The following SLCO2A1 variants were observed in gnomAD, a reference collection of about 807,000 sequenced individuals.
The protein encoded by SLCO2A1 is solute carrier organic anion transporter family member 2A1.
A neutral mutation model predicts 71.7 loss-of-function variants in SLCO2A1; 60 were observed. The observed-to-expected ratio is 0.84, with a 90% CI of 0.68 to 1.04. SLCO2A1 has a LOEUF of 1.04. SLCO2A1 is among the 50% of genes least tolerant of loss of function. The pLI, the probability that SLCO2A1 is intolerant of heterozygous loss-of-function variation, is 0.00. For missense variants in SLCO2A1, 745 were observed against 813.4 expected (o/e 0.92, Z 1.02); for synonymous variants, 308 against 326.7 (o/e 0.94, Z 0.62).
At chr3:133,965,450 T>C (rs1209696740) in intron 3 of SLCO2A1, among the ~76,000 whole-genome samples, 2 of 152,168 alleles carry the variant, frequency 1.3e-5, no homozygotes, top group Non-Finnish European at 2.9e-5. Flanking sequence ...AGAAGGAAAC[T>C]GCTTACAAAT....
chr3:133,969,258 C>T (rs986255632), intron 3 of SLCO2A1, among the ~76,000 whole-genome samples: 3 of 152,118 alleles, frequency 2.0e-5, no homozygotes, highest in African/African-American at 4.8e-5. Flanking sequence ...GGTGAAACCC[C>T]GTAGCTACTA....
At chr3:133,944,055 C>G (rs994719830) in intron 10 of SLCO2A1, among the ~76,000 whole-genome samples, 5 of 152,232 alleles carry the variant, frequency 3.3e-5, no homozygotes, top group Non-Finnish European at 1.5e-5. Flanking sequence ...CCTACAGCAC[C>G]AAGCCCGGCC....
At chr3:133,995,851 T>C (rs112982831) in intron 1 of SLCO2A1, among the ~76,000 whole-genome samples, 6 of 152,360 alleles carry the variant, frequency 3.9e-5, no homozygotes, top group African/African-American at 1.4e-4. Context: ...AATTAACAAA[T>C]TGGGTTATAA....
chr3:134,028,078 A>C (rs1437909333), intron 1 of SLCO2A1, among the ~76,000 whole-genome samples: 2 of 152,158 alleles, frequency 1.3e-5, no homozygotes, highest in African/African-American at 4.8e-5. Context: ...ATTTATATAG[A>C]TCTCCAAATA....
intron 1 of SLCO2A1, among the ~76,000 whole-genome samples, chr3:133,991,432 A>G (rs969550145): frequency 2.0e-5 from 3 of 152,226 alleles, no homozygotes; most frequent in Admixed American, 6.5e-5. Flanking sequence ...AGGAAATCCA[A>G]TATTTTCCCA....
intron 5 of SLCO2A1, 21 bp downstream of exon 5, chr3:133,953,642 G>A (rs1296214314): frequency 7.5e-6 from 12 of 1,591,442 alleles, no homozygotes; most frequent in Non-Finnish European, 1.0e-5. Flanking sequence ...ATGGGAATGG[G>A]TGTCCTCTGC....
At chr3:133,976,421 G>A (rs1343758042) in intron 2 of SLCO2A1, among the ~76,000 whole-genome samples, 1 of 152,172 alleles carries the variant, frequency 6.6e-6, no homozygotes, top group African/African-American at 2.4e-5. Context: ...GGGATCTCAG[G>A]GAGGAGGGAC....
chr3:133,973,015 C>A (rs1202821574), intron 3 of SLCO2A1, among the ~76,000 whole-genome samples: 2 of 152,086 alleles, frequency 1.3e-5, no homozygotes, highest in Admixed American at 1.3e-4. Context: ...ATAATAATGA[C>A]CACTGTGGGG....
At position 134,029,859 on chromosome 3, in the gene SLCO2A1, G is replaced by A. The variant is rs1935788117; in HGVS notation, c.-57C>T. 1.9e-5 allele frequency: 21 copies of A among 1,109,858 alleles called. No homozygotes were observed. Among genetic ancestry groups the A allele is most frequent in the Non-Finnish European group, 2.2e-5 (19 of 858,244 alleles). 68.8% of individuals were successfully genotyped at this position (1,109,858 alleles called of 1,614,324 possible). On this transcript the variant is annotated 5_prime_UTR_variant, in exon 1 of 14. Transcript: ENST00000310926. ...CGCGGGGTCGGGGCGCCTCGGGCTG[G>A]AGCGGCCGGGCGGGTGAGAGGCGAC...
At chr3:133,960,957 G>T (rs62269156) in intron 3 of SLCO2A1, among the ~76,000 whole-genome samples, 34,491 of 151,640 alleles carry the variant, frequency 0.23, 4,126 homozygotes, top group East Asian at 0.32. Context: ...ATGCGGGGGT[G>T]GTACATTCCA....
chr3:133,953,229 G>A (rs1933792232), intron 5 of SLCO2A1, among the ~76,000 whole-genome samples: 4 of 152,136 alleles, frequency 2.6e-5, no homozygotes, highest in Non-Finnish European at 1.5e-5. Context: ...AGTAGAGACG[G>A]GGTTTCACCG....
chr3:134,018,396 G>T (rs927731642), intron 1 of SLCO2A1, among the ~76,000 whole-genome samples: 1 of 152,172 alleles, frequency 6.6e-6, no homozygotes, highest in Non-Finnish European at 1.5e-5. Flanking sequence ...CCTCCCCATT[G>T]CTGGGGGTCA....
intron 1 of SLCO2A1, among the ~76,000 whole-genome samples, chr3:134,009,374 A>C (rs1032578928): frequency 6.6e-5 from 10 of 152,226 alleles, no homozygotes; most frequent in Non-Finnish European, 1.2e-4. Flanking sequence ...CCCAAATTTC[A>C]ACTATTTTCC....
At chr3:134,006,976 A>G (rs7431935) in intron 1 of SLCO2A1, among the ~76,000 whole-genome samples, 114,252 of 152,166 alleles carry the variant, frequency 0.75, 43,662 homozygotes, top group Non-Finnish European at 0.83. Flanking sequence ...TCCATCCTCA[A>G]AAACACTTGT....
At position 133,995,156 on chromosome 3, in the gene SLCO2A1, A is replaced by ACCTC. The variant is rs148623500; in HGVS notation, c.97-15539_97-15538insGAGG. ...CCCTAGAGCCCCTCTCAGTCACCAC[A>ACCTC]CACCTCCAGGGGAGCCAGTCTTTTG... is the stretch of plus-strand genomic sequence containing the variant. On this transcript the variant is annotated intron_variant, in intron 1 of 13. Coordinates refer to ENST00000310926, the MANE Select transcript of SLCO2A1 (RefSeq NM_005630.3). Among the ~76,000 whole-genome samples the ACCTC allele has an allele frequency of 2.2e-3, 328 of 151,186 alleles. 2 individuals carry two copies. Among genetic ancestry groups the ACCTC allele is most frequent in the African/African-American group, 7.5e-3 (310 of 41,220 alleles).
intron 1 of SLCO2A1, among the ~76,000 whole-genome samples, chr3:134,028,897 A>G (rs1367321386): frequency 1.3e-5 from 2 of 152,288 alleles, no homozygotes; most frequent in South Asian, 2.1e-4. Flanking sequence ...CCTGTGAGGG[A>G]GTGGAAAGCA....
intron 11 of SLCO2A1, chr3:133,942,255 A>G (rs993705279): frequency 5.9e-6 from 1 of 170,372 alleles, no homozygotes; most frequent in African/African-American, 2.4e-5. Flanking sequence ...TGGCCTCCCA[A>G]AGTGCTGGGG....
chr3:133,938,535 G>A (rs566206391), intron 11 of SLCO2A1, 42 bp from the exon 12 acceptor site: 1 of 1,592,762 alleles, frequency 6.3e-7, no homozygotes, highest in Admixed American at 1.7e-5. Flanking sequence ...AGGATTCAGG[G>A]CTGCACGATC....
At chr3:134,015,511 T>G (rs1457489641) in intron 1 of SLCO2A1, among the ~76,000 whole-genome samples, 1 of 152,162 alleles carries the variant, frequency 6.6e-6, no homozygotes, top group Non-Finnish European at 1.5e-5. Flanking sequence ...GAATAGATTT[T>G]GAGATCTGTT....
Sources: gnomAD v4.1 joint callset for allele counts (sites outside exome capture counted in the v4.1 genomes callset) on GRCh38, gnomAD v4.1.1 for gene constraint, MANE v1.5 for transcripts, NCBI Gene and HGNC (gene_info 2026-07-23, HGNC 2026-07-21) for gene names.